The following DLG2 variants were observed in gnomAD, a reference collection of about 807,000 sequenced individuals.
DLG2 encodes discs large MAGUK scaffold protein 2.
Under a neutral mutation model 132.5 loss-of-function variants are expected in DLG2, and 45 were observed. The ratio of observed to expected loss-of-function variants is 0.34; its 90% CI spans 0.27 to 0.44. The LOEUF (loss-of-function observed/expected upper bound fraction) is 0.44, where lower values mean the gene tolerates loss of function less well. Ranked by LOEUF, DLG2 falls within the 20% of genes least tolerant of loss-of-function variation. The probability of loss-of-function intolerance (pLI) is 1.00; values close to 1 mark genes in which losing one functional copy is unlikely to be tolerated. For missense variants in DLG2, 1,045 were observed against 1,196.9 expected, an observed-to-expected ratio of 0.87 and a Z score of 1.87; for synonymous variants, 424 against 419.6, an observed-to-expected ratio of 1.01 and a Z score of -0.13.
intron 3 of DLG2, among the ~76,000 whole-genome samples, chr11:85,550,794 C>A (rs1021555857): frequency 6.6e-6 from 1 of 152,214 alleles, no homozygotes; most frequent in East Asian, 1.9e-4. Flanking sequence ...AAGAACAGTT[C>A]CTCTTTACTG....
intron 10 of DLG2, among the ~76,000 whole-genome samples, chr11:84,060,561 C>T (rs1421197881): frequency 6.7e-6 from 1 of 149,352 alleles, no homozygotes; most frequent in Non-Finnish European, 1.5e-5. Flanking sequence ...TTCATTTTCA[C>T]ATGGAAAGGA....
chr11:84,975,152 G>T (rs1259487328), intron 6 of DLG2, among the ~76,000 whole-genome samples: 1 of 151,944 alleles, frequency 6.6e-6, no homozygotes, highest in Non-Finnish European at 1.5e-5. Flanking sequence ...CTGTTACAGG[G>T]GTATCAACCT....
chr11:84,438,581 C>T (rs1387325102), intron 7 of DLG2, among the ~76,000 whole-genome samples: 1 of 152,174 alleles, frequency 6.6e-6, no homozygotes, highest in Non-Finnish European at 1.5e-5. Context: ...GCTTTTAAAT[C>T]ATGCTCCTTT....
At chr11:83,792,123 C>G (rs4362168) in intron 17 of DLG2, among the ~76,000 whole-genome samples, 109,648 of 152,082 alleles carry the variant, frequency 0.72, 40,933 homozygotes, top group African/African-American at 0.92. Context: ...TTATGGATGT[C>G]CCAGCACTTT....
intron 3 of DLG2, among the ~76,000 whole-genome samples, chr11:85,449,483 G>A (rs973178972): frequency 1.3e-5 from 2 of 151,530 alleles, no homozygotes; most frequent in African/African-American, 4.8e-5. Context: ...GGTCTATTTT[G>A]TAATTTTTAT....
chr11:85,290,319 A>G (rs1047681105), intron 3 of DLG2, among the ~76,000 whole-genome samples: 8 of 152,266 alleles, frequency 5.3e-5, no homozygotes, highest in African/African-American at 1.9e-4. Flanking sequence ...AATTTACAGG[A>G]AAGTGTTTAC....
At chr11:85,146,227 C>CCTCTCCCT (rs1555384686) in intron 5 of DLG2, among the ~76,000 whole-genome samples, 2 of 129,110 alleles carry the variant, frequency 1.5e-5, no homozygotes, top group Non-Finnish European at 3.3e-5. Context: ...TCTGTTTCTC[C>CCTCTCCCT]CTCTCTCTCT....
At chr11:85,405,748 C>T (rs988075003) in intron 3 of DLG2, among the ~76,000 whole-genome samples, 17 of 151,940 alleles carry the variant, frequency 1.1e-4, no homozygotes, top group African/African-American at 4.1e-4. Flanking sequence ...AAATCCACAG[C>T]CCATGTTCTT....
chr11:83,722,760 T>C (rs965038470), intron 18 of DLG2, among the ~76,000 whole-genome samples: 1 of 152,112 alleles, frequency 6.6e-6, no homozygotes, highest in South Asian at 2.1e-4. Flanking sequence ...CAGTACAAAA[T>C]GTTTGGATGC....
At chr11:84,793,377 G>C (rs1171658448) in intron 6 of DLG2, among the ~76,000 whole-genome samples, 1 of 152,022 alleles carries the variant, frequency 6.6e-6, no homozygotes, top group East Asian at 1.9e-4. Flanking sequence ...TGTATTTTTG[G>C]CCACTGGATG....
chr11:84,867,261 A>G (rs2084713053), intron 6 of DLG2, among the ~76,000 whole-genome samples: 1 of 152,212 alleles, frequency 6.6e-6, no homozygotes, highest in Non-Finnish European at 1.5e-5. Context: ...ATGAACTCCT[A>G]TTTGAACACG....
chr11:85,374,266 A>G (rs1014673523), intron 3 of DLG2, among the ~76,000 whole-genome samples: 5 of 151,960 alleles, frequency 3.3e-5, no homozygotes, highest in Non-Finnish European at 7.4e-5. Flanking sequence ...GAACTGGGAG[A>G]AAAAAAACAG....
In DLG2 at chr11:85,464,159, AT is replaced by A. The variant is rs971576062; in HGVS notation, c.40+134497del. Reference sequence around the variant, plus strand: ...ACTTAAGTTTAGTTTCCAACACTACATCATGGTGCAGAATCTTGTACTTATA... The same window carrying A: ...ACTTAAGTTTAGTTTCCAACACTACACATGGTGCAGAATCTTGTACTTATA... On this transcript the variant is annotated intron_variant, in intron 3 of 27. Coordinates refer to ENST00000376104, the MANE Select transcript of DLG2 (RefSeq NM_001142699.3). Among the ~76,000 whole-genome samples, 4 of 152,164 alleles carry A rather than the reference AT, an allele frequency of 2.6e-5. No homozygotes were observed. In the East Asian group the frequency reaches 7.7e-4, roughly 29 times the overall value.
intron 6 of DLG2, among the ~76,000 whole-genome samples, chr11:84,760,430 T>C (rs2067458774): frequency 6.6e-6 from 1 of 152,198 alleles, no homozygotes; most frequent in East Asian, 1.9e-4. Flanking sequence ...TGTTACAGGT[T>C]TACCAATAGT....
At chr11:84,060,295 G>C (rs1027697389) in intron 10 of DLG2, among the ~76,000 whole-genome samples, 16 of 152,130 alleles carry the variant, frequency 1.1e-4, no homozygotes, top group Non-Finnish European at 1.8e-4. Context: ...CTGGGAGACA[G>C]AGCGAGACTC....
chr11:85,228,499 C>T (rs1319516478), intron 4 of DLG2, among the ~76,000 whole-genome samples: 3 of 151,964 alleles, frequency 2.0e-5, no homozygotes, highest in Non-Finnish European at 4.4e-5. Context: ...TCTTTTTAAC[C>T]TTTGTTGGTA....
chr11:85,429,874 T>A (rs1313910132), intron 3 of DLG2, among the ~76,000 whole-genome samples: 1 of 152,120 alleles, frequency 6.6e-6, no homozygotes, highest in Non-Finnish European at 1.5e-5. Context: ...ACCCAAAGGA[T>A]TATAAAACAT....
intron 3 of DLG2, among the ~76,000 whole-genome samples, chr11:85,408,086 T>G (rs970886902): frequency 6.6e-6 from 1 of 151,436 alleles, no homozygotes; most frequent in African/African-American, 2.4e-5. Flanking sequence ...TTTTTTGTGT[T>G]CTGTATTTTA....
intron 6 of DLG2, among the ~76,000 whole-genome samples, chr11:84,663,245 A>T (rs370892526): frequency 0.024 from 1,450 of 59,346 alleles, 11 homozygotes; most frequent in Admixed American, 0.033. Flanking sequence ...ATATATATAT[A>T]TATATTTTTT....
Sources: gnomAD v4.1 joint callset for allele counts (sites outside exome capture counted in the v4.1 genomes callset) on GRCh38, gnomAD v4.1.1 for gene constraint, MANE v1.5 for transcripts, NCBI Gene and HGNC (gene_info 2026-07-23, HGNC 2026-07-21) for gene names.